Variants in PTPRN2 observed in about 807,000 individuals in gnomAD.
PTPRN2 encodes protein tyrosine phosphatase receptor type N2, also known as receptor-type tyrosine-protein phosphatase N2.
A neutral mutation model predicts 118.8 loss-of-function variants in PTPRN2; 74 were observed. That is an observed-to-expected ratio of 0.62 (90% CI 0.52 to 0.76). The LOEUF (loss-of-function observed/expected upper bound fraction) is 0.76. Among genes scored for constraint, PTPRN2 ranks in the 30% least tolerant of loss-of-function variants. The pLI is 0.00. For missense variants in PTPRN2, 1,481 were observed against 1,394.4 expected, an observed-to-expected ratio of 1.06 and a Z score of -0.99; for synonymous variants, 641 against 608.0, an observed-to-expected ratio of 1.05 and a Z score of -0.80.
intron 10 of PTPRN2, among the ~76,000 whole-genome samples, chr7:158,097,484 C>T (rs779070204): frequency 7.2e-5 from 11 of 152,196 alleles, no homozygotes; most frequent in Non-Finnish European, 1.3e-4. Context: ...GGCTGCGTGC[C>T]CCGAATGCCC....
At chr7:157,920,726 GC>G (rs1293879809) in intron 11 of PTPRN2, among the ~76,000 whole-genome samples, 2 of 152,294 alleles carry the variant, frequency 1.3e-5, no homozygotes, top group East Asian at 3.9e-4. Context: ...ATACTCACAT[GC>G]AAAAAGTGAA....
At chr7:158,102,652 G>A (rs1331956417) in intron 10 of PTPRN2, among the ~76,000 whole-genome samples, 1 of 152,222 alleles carries the variant, frequency 6.6e-6, no homozygotes, top group Non-Finnish European at 1.5e-5. Flanking sequence ...GCAGAAGGGG[G>A]TGTGGGATGG....
At chr7:157,907,155 G>T (rs1020039513) in intron 11 of PTPRN2, among the ~76,000 whole-genome samples, 3 of 152,246 alleles carry the variant, frequency 2.0e-5, no homozygotes, top group African/African-American at 7.2e-5. Flanking sequence ...AGGTGGGTGT[G>T]GTGGCATCTG....
At chr7:157,938,581 G>T (rs1799862411) in intron 11 of PTPRN2, among the ~76,000 whole-genome samples, 1 of 152,228 alleles carries the variant, frequency 6.6e-6, no homozygotes, top group Non-Finnish European at 1.5e-5. Context: ...AAGGCAAGAT[G>T]TGAACCCAGA....
chr7:157,999,981 G>C (rs1398700460), intron 11 of PTPRN2, among the ~76,000 whole-genome samples: 1 of 152,002 alleles, frequency 6.6e-6, no homozygotes, highest in East Asian at 1.9e-4. Flanking sequence ...CCACCTCCCA[G>C]GTTCAAGTGA....
intron 20 of PTPRN2, among the ~76,000 whole-genome samples, chr7:157,569,486 G>A (rs1799657653): frequency 6.6e-6 from 1 of 152,216 alleles, no homozygotes; most frequent in African/African-American, 2.4e-5. Context: ...CTCCGTCTCA[G>A]AAGGAGAAAT....
chr7:157,754,127 C>T (rs377337524), intron 12 of PTPRN2, among the ~76,000 whole-genome samples: 10 of 152,232 alleles, frequency 6.6e-5, no homozygotes, highest in South Asian at 2.1e-4. Flanking sequence ...TGAAAACAAT[C>T]GTCCACTGTG....
At chr7:158,232,815 T>A (rs1585918696) in intron 3 of PTPRN2, among the ~76,000 whole-genome samples, 1 of 152,094 alleles carries the variant, frequency 6.6e-6, no homozygotes, top group South Asian at 2.1e-4. Context: ...TTAACAGAAT[T>A]AAGAACAAAA....
chr7:158,283,121 C>G (rs896115837), intron 3 of PTPRN2, among the ~76,000 whole-genome samples: 1 of 152,216 alleles, frequency 6.6e-6, no homozygotes, highest in African/African-American at 2.4e-5. Flanking sequence ...GCGCTGATGT[C>G]AGGGGAAGAC....
At chr7:158,012,392 A>G (rs1388698329) in intron 11 of PTPRN2, among the ~76,000 whole-genome samples, 3 of 152,234 alleles carry the variant, frequency 2.0e-5, no homozygotes, top group Non-Finnish European at 4.4e-5. Flanking sequence ...GAAAAAATCC[A>G]TAGTGTTTAG....
At chr7:157,719,510 G>A (rs974754156) in intron 12 of PTPRN2, among the ~76,000 whole-genome samples, 16 of 152,360 alleles carry the variant, frequency 1.1e-4, no homozygotes, top group South Asian at 2.1e-4. Flanking sequence ...TGCACATCCC[G>A]GCCTCCTGGG....
At chr7:157,902,848 T>C (rs1797550420) in intron 11 of PTPRN2, among the ~76,000 whole-genome samples, 2 of 152,102 alleles carry the variant, frequency 1.3e-5, no homozygotes, top group Non-Finnish European at 2.9e-5. Context: ...AGCTGAGAAA[T>C]GGCTTCCAAG....
intron 3 of PTPRN2, among the ~76,000 whole-genome samples, chr7:158,218,493 G>A (rs1345748414): frequency 2.6e-5 from 4 of 152,172 alleles, no homozygotes; most frequent in Middle Eastern, 3.4e-3. Context: ...ACACAAATAC[G>A]TAGCTCACTT....
chr7:158,123,825 G>A (rs1452015925), intron 9 of PTPRN2, among the ~76,000 whole-genome samples: 1 of 152,190 alleles, frequency 6.6e-6, no homozygotes, highest in Non-Finnish European at 1.5e-5. Flanking sequence ...CCTCCAGCAG[G>A]AGCCGTGAAC....
chr7:157,828,079 T>A (rs1051091541), intron 12 of PTPRN2, among the ~76,000 whole-genome samples: 1 of 152,104 alleles, frequency 6.6e-6, no homozygotes, highest in Non-Finnish European at 1.5e-5. Context: ...TAAGTTCTGG[T>A]TTTCCTCCTT....
At chr7:158,341,782 C>T (rs1315564373) in intron 2 of PTPRN2, among the ~76,000 whole-genome samples, 1 of 140,994 alleles carries the variant, frequency 7.1e-6, no homozygotes, top group African/African-American at 2.8e-5. Context: ...CACCTGCAGA[C>T]GTCACTCACA....
chr7:157,880,664 C>G (rs1459004934), intron 12 of PTPRN2, among the ~76,000 whole-genome samples: 1 of 152,218 alleles, frequency 6.6e-6, no homozygotes, highest in African/African-American at 2.4e-5. Flanking sequence ...GTAATTTTTA[C>G]TTTATTGCTA....
At chr7:158,067,684 A>G (rs1810878999) in intron 11 of PTPRN2, among the ~76,000 whole-genome samples, 1 of 151,958 alleles carries the variant, frequency 6.6e-6, no homozygotes, top group Non-Finnish European at 1.5e-5. Flanking sequence ...AAGCTGCCAG[A>G]GACAAGGCGT....
intron 12 of PTPRN2, among the ~76,000 whole-genome samples, chr7:157,791,941 G>A (rs879801624): frequency 6.6e-6 from 1 of 152,208 alleles, no homozygotes; most frequent in African/African-American, 2.4e-5. Context: ...AAATATGTGC[G>A]GCTTTTCCTG....
Sources: allele counts gnomAD v4.1 joint callset (sites outside exome capture counted in the v4.1 genomes callset), GRCh38; gene constraint gnomAD v4.1.1; transcripts MANE v1.5; gene names NCBI Gene and HGNC (gene_info 2026-07-23, HGNC 2026-07-21).